The following NCKAP5 variants were observed in gnomAD, a reference collection of about 807,000 sequenced individuals.
NCKAP5 encodes the protein NCK associated protein 5.
Under a neutral mutation model 167.0 loss-of-function variants are expected in NCKAP5, and 92 were observed. The ratio of observed to expected loss-of-function variants is 0.55; its 90% CI spans 0.47 to 0.66. The LOEUF (loss-of-function observed/expected upper bound fraction) is 0.66, where lower values mean the gene tolerates loss of function less well. Among genes scored for constraint, NCKAP5 ranks in the 30% least tolerant of loss-of-function variants. The probability of loss-of-function intolerance (pLI) is 0.00; values close to 1 mark genes in which losing one functional copy is unlikely to be tolerated. For synonymous variants in NCKAP5, 891 were observed against 877.4 expected (o/e 1.02, Z -0.27); for missense variants, 2,378 against 2,315.0 (o/e 1.03, Z -0.56).
chr2:133,492,414 C>T (rs1014836746), intron 3 of NCKAP5, among the ~76,000 whole-genome samples: 9 of 152,094 alleles, frequency 5.9e-5, no homozygotes, highest in South Asian at 4.1e-4. Flanking sequence ...TGGGTTCTTG[C>T]GGAAAGCGGG....
At chr2:133,527,500 C>T (rs1016837) in intron 2 of NCKAP5, among the ~76,000 whole-genome samples, 1 of 151,254 alleles carries the variant, frequency 6.6e-6, no homozygotes, top group African/African-American at 2.4e-5. Context: ...CACCCACCCC[C>T]CAAAATAATC....
intron 3 of NCKAP5, among the ~76,000 whole-genome samples, chr2:133,306,888 A>C (rs1332052971): frequency 1.3e-5 from 2 of 152,234 alleles, no homozygotes; most frequent in Non-Finnish European, 2.9e-5. Flanking sequence ...CTATTTCTAC[A>C]GTATAAGTCA....
At chr2:133,326,535 A>G (rs1197629285) in intron 3 of NCKAP5, among the ~76,000 whole-genome samples, 1 of 151,772 alleles carries the variant, frequency 6.6e-6, no homozygotes, top group Non-Finnish European at 1.5e-5. Flanking sequence ...GGGGACAGCC[A>G]CAGCAAGAGT....
At chr2:132,745,150 T>C (rs1034056562) in intron 16 of NCKAP5, among the ~76,000 whole-genome samples, 1 of 151,688 alleles carries the variant, frequency 6.6e-6, no homozygotes, top group Non-Finnish European at 1.5e-5. Flanking sequence ...AAAGACATCA[T>C]ACATAGAGGA....
At chr2:133,130,831 T>G (rs1388255043) in intron 5 of NCKAP5, among the ~76,000 whole-genome samples, 1 of 136,130 alleles carries the variant, frequency 7.3e-6, no homozygotes, top group Non-Finnish European at 1.5e-5. Context: ...ATGTCTTTGT[T>G]GTTTTGTTTT....
At chr2:133,044,842 A>C (rs887542386) in intron 6 of NCKAP5, among the ~76,000 whole-genome samples, 1 of 152,064 alleles carries the variant, frequency 6.6e-6, no homozygotes, top group Non-Finnish European at 1.5e-5. Context: ...TGGGAGGCCG[A>C]GGTAGGAAGA....
At chr2:132,908,183 C>G (rs1453367927) in intron 8 of NCKAP5, among the ~76,000 whole-genome samples, 1 of 152,040 alleles carries the variant, frequency 6.6e-6, no homozygotes, top group Non-Finnish European at 1.5e-5. Flanking sequence ...TATGGGGTTA[C>G]ACAAAACATT....
At chr2:133,112,118 A>G (rs1001133884) in intron 6 of NCKAP5, among the ~76,000 whole-genome samples, 7 of 152,142 alleles carry the variant, frequency 4.6e-5, no homozygotes, top group African/African-American at 1.4e-4. Context: ...AAAAATACAC[A>G]TCAGAAGTTC....
At chr2:133,654,395 A>AATAC in the NCKAP5 span, among the ~76,000 whole-genome samples, 2 of 151,496 alleles carry the variant, frequency 1.3e-5, no homozygotes, top group Non-Finnish European at 2.9e-5. Flanking sequence ...TAAATAAATA[A>AATAC]ATAAATAAAT....
intron 4 of NCKAP5, chr2:133,264,894 A>T (rs2089109470): frequency 6.6e-6 from 1 of 152,266 alleles, no homozygotes; most frequent in Admixed American, 6.5e-5. Flanking sequence ...AGTATCAAAC[A>T]GAAAACAAAA....
rs115850671 is a variant in NCKAP5 at position 133,501,886 on chromosome 2, A to G, written c.69+15572T>C. ...GTTTCAAGAAATAGCACTACACAACATCTTATCATTTTCTAGTCCTCCTGG... is the reference window on the plus strand; with the variant it reads ...GTTTCAAGAAATAGCACTACACAACGTCTTATCATTTTCTAGTCCTCCTGG... On this transcript the variant is annotated intron_variant, in intron 3 of 19. Transcript: ENST00000409261. 3.8e-3 allele frequency among the ~76,000 whole-genome samples: 583 copies of G among 152,320 alleles called. 7 individuals are homozygous for G. The highest frequency in any genetic ancestry group is 0.013 in the African/African-American group (548 of 41,570).
intron 8 of NCKAP5, among the ~76,000 whole-genome samples, chr2:132,950,673 A>G (rs1298616607): frequency 6.6e-6 from 1 of 152,212 alleles, no homozygotes; most frequent in African/African-American, 2.4e-5. Context: ...CAAGGAACCC[A>G]TTTTATCATA....
the NCKAP5 span, among the ~76,000 whole-genome samples, chr2:133,637,476 C>CA: frequency 0.25 from 7,895 of 31,096 alleles, 840 homozygotes; most frequent in South Asian, 0.31. Context: ...TGGTATTTTC[C>CA]AAAAAAAAAA....
At chr2:133,261,611 C>T (rs903881789) in intron 4 of NCKAP5, among the ~76,000 whole-genome samples, 4 of 152,176 alleles carry the variant, frequency 2.6e-5, no homozygotes, top group Non-Finnish European at 5.9e-5. Flanking sequence ...TTCATCTTTG[C>T]ATCCCTTGCA....
chr2:133,550,754 C>T (rs1223905023), intron 2 of NCKAP5, among the ~76,000 whole-genome samples: 4 of 131,610 alleles, frequency 3.0e-5, no homozygotes, highest in East Asian at 2.2e-4. Flanking sequence ...CCAGGGCAAT[C>T]AGGCAGGAGA....
intron 4 of NCKAP5, among the ~76,000 whole-genome samples, chr2:133,228,025 TG>T (rs1207115592): frequency 3.3e-5 from 5 of 152,132 alleles, no homozygotes; most frequent in African/African-American, 1.2e-4. Flanking sequence ...TGGGGACTCT[TG>T]GTTTCTATTC....
At chr2:133,097,219 G>A (rs953871053) in intron 6 of NCKAP5, among the ~76,000 whole-genome samples, 2 of 152,206 alleles carry the variant, frequency 1.3e-5, no homozygotes, top group African/African-American at 2.4e-5. Flanking sequence ...TGATGGCTAT[G>A]CACAGAGGGT....
chr2:132,936,295 A>G (rs750662664), intron 8 of NCKAP5, among the ~76,000 whole-genome samples: 1 of 152,156 alleles, frequency 6.6e-6, no homozygotes, highest in Non-Finnish European at 1.5e-5. Flanking sequence ...AATATTTTCT[A>G]TATAATTTCT....
intron 6 of NCKAP5, among the ~76,000 whole-genome samples, chr2:133,045,224 T>G (rs547691825): frequency 6.6e-6 from 1 of 152,122 alleles, no homozygotes; most frequent in South Asian, 2.1e-4. Context: ...AAATGTGCTA[T>G]CTCCATAAAC....
Sources: allele counts gnomAD v4.1 joint callset (sites outside exome capture counted in the v4.1 genomes callset), GRCh38; gene constraint gnomAD v4.1.1; transcripts MANE v1.5; gene names NCBI Gene and HGNC (gene_info 2026-07-23, HGNC 2026-07-21).